Variants in RUSC2 observed in about 807,000 individuals in gnomAD.
RUSC2 encodes the protein RUN and SH3 domain containing 2.
In RUSC2, 34 loss-of-function variants were observed where a neutral mutation model predicts 122.2. That is an observed-to-expected ratio of 0.28 (90% CI 0.21 to 0.37). RUSC2 has a LOEUF of 0.37. Ranked by LOEUF, RUSC2 falls within the 10% of genes least tolerant of loss-of-function variation. The probability of loss-of-function intolerance (pLI) is 1.00; values close to 1 mark genes in which losing one functional copy is unlikely to be tolerated. For missense variants in RUSC2, 1,747 were observed against 1,952.4 expected, an observed-to-expected ratio of 0.89 and a Z score of 1.98; for synonymous variants, 784 against 790.0, an observed-to-expected ratio of 0.99 and a Z score of 0.13.
chr9:35,517,867 T>C (rs188246337), intron 1 of RUSC2, among the ~76,000 whole-genome samples: 68 of 152,308 alleles, frequency 4.5e-4, no homozygotes, highest in African/African-American at 1.6e-3. Context: ...TCCCTTATTC[T>C]TTTTATTTTT....
intron 1 of RUSC2, among the ~76,000 whole-genome samples, chr9:35,528,943 T>A (rs1005136687): frequency 6.6e-6 from 1 of 152,000 alleles, no homozygotes; most frequent in East Asian, 1.9e-4. Flanking sequence ...TAAAAAAAAA[T>A]TGTAAAAAGT....
intron 1 of RUSC2, among the ~76,000 whole-genome samples, chr9:35,509,645 T>C (rs1739561862): frequency 6.6e-6 from 1 of 152,212 alleles, no homozygotes. Flanking sequence ...ACACTGGCTA[T>C]GACCATGACA....
intron 1 of RUSC2, among the ~76,000 whole-genome samples, chr9:35,518,626 C>T (rs114323387): frequency 0.011 from 1,712 of 152,264 alleles, 33 homozygotes; most frequent in African/African-American, 0.04. Context: ...AGGAGATTAT[C>T]TAGGCACAGC....
At chr9:35,550,429 C>T (rs575165141) in intron 2 of RUSC2, among the ~76,000 whole-genome samples, 8 of 152,054 alleles carry the variant, frequency 5.3e-5, no homozygotes, top group Non-Finnish European at 1.2e-4. Context: ...AGTTCAAGAC[C>T]AGCCTGGCCA....
At position 35,547,873 on chromosome 9, in the gene RUSC2, C is replaced by T. The variant is rs1821794441; in HGVS notation, c.1352C>T (p.Pro451Leu). Residue 451 changes from proline to leucine, a missense_variant, in exon 2 of 12, where the codon CCA becomes CTA. Transcript: ENST00000361226. The surrounding 1 kb of genome is among the most constrained non-coding windows in gnomAD (Gnocchi z 4.6). ...TCTGAGTATTACCTATTCCAGAAGCCAGAAGTCCAGCCAGAGGAACAAGAA... is the reference window on the plus strand; with the variant it reads ...TCTGAGTATTACCTATTCCAGAAGCTAGAAGTCCAGCCAGAGGAACAAGAA... Reference protein sequence around the residue: ...QPSEYYLFQKPEVQPEEQEAV... With the variant: ...QPSEYYLFQKLEVQPEEQEAV... 3.7e-6 allele frequency: 6 copies of T among 1,614,228 alleles called. No individual in the cohort carries two copies. Among genetic ancestry groups the T allele is most frequent in the Non-Finnish European group, 4.2e-6 (5 of 1,180,044 alleles).
chr9:35,500,273 A>AAG (rs10672783), intron 1 of RUSC2, among the ~76,000 whole-genome samples: 60,876 of 151,358 alleles, frequency 0.4, 12,279 homozygotes, highest in Admixed American at 0.42. Flanking sequence ...ATGACAGGCA[A>AAG]AGAGAGAGAG....
Position 35,560,031 on chromosome 9 carries a change from A to G in RUSC2, c.3391A>G (p.Ile1131Val). The stretch of plus-strand genomic sequence containing the variant: ...AGTCCCTCTCTCTTTTCCCCTAGAC[A>G]TCATCCAGACCCACTACCAGCCCTG... ...WFNHLYNHED[I>V]IQTHYQPWGF... is the part of the protein sequence containing the mutation. Residue 1131 changes from isoleucine (I) to valine (V), a missense_variant and splice_region_variant, in exon 10 of 12, where the codon ATC (isoleucine) becomes GTC (valine). Transcript: ENST00000361226. 2 of 1,589,410 alleles carry G rather than the reference A, an allele frequency of 1.3e-6. No homozygotes were observed. Among genetic ancestry groups the G allele is most frequent in the South Asian group, 1.1e-5 (1 of 89,338 alleles).
chr9:35,514,677 A>T (rs1821070461), intron 1 of RUSC2, among the ~76,000 whole-genome samples: 1 of 152,136 alleles, frequency 6.6e-6, no homozygotes, highest in Non-Finnish European at 1.5e-5. Flanking sequence ...AATAAGATGG[A>T]GGTTTTTTTC....
In RUSC2 at chr9:35,547,829, C is replaced by T; in HGVS notation, c.1308C>T (p.Asp436=). Residue 436 remains aspartate (D), a synonymous_variant, in exon 2 of 12, where the codon GAC becomes GAT. Coordinates refer to ENST00000361226, the MANE Select transcript of RUSC2 (RefSeq NM_014806.5). The surrounding 1 kb of genome is among the most constrained non-coding windows in gnomAD (Gnocchi z 4.6). The part of the protein sequence containing the change: ...KISPPPGPGP[D]PGPSQPSEYY... Reference sequence around the variant, plus strand: ...GTCCCCCACCAGGCCCTGGCCCAGACCCAGGCCCCAGCCAGCCCTCTGAGT... The same window carrying T: ...GTCCCCCACCAGGCCCTGGCCCAGATCCAGGCCCCAGCCAGCCCTCTGAGT... The T allele has an allele frequency of 6.2e-7, 1 of 1,614,226 alleles. No individual in the cohort carries two copies. The highest frequency in any genetic ancestry group is 8.5e-7 in the Non-Finnish European group (1 of 1,180,052).
chr9:35,554,460 G>A (rs1281296888), intron 2 of RUSC2, among the ~76,000 whole-genome samples: 1 of 152,204 alleles, frequency 6.6e-6, no homozygotes, highest in African/African-American at 2.4e-5. Context: ...AAATGTGCTG[G>A]CATGATTGGA....
Position 35,547,575 on chromosome 9 carries a change from C to T in RUSC2, c.1054C>T (p.Pro352Ser), listed in dbSNP as rs1192681173. ...AGGAAGGGAAGGGGGCTATGGTTGC[C>T]CTCATGCCTCTTCTCCTGAGCTTGA... ...SGGREGGYGC[P>S]HASSPELDAN... Residue 352 changes from proline (P) to serine (S), a missense_variant, in exon 2 of 12, where the codon CCT (proline) becomes TCT (serine). Coordinates refer to ENST00000361226, the MANE Select transcript of RUSC2 (RefSeq NM_014806.5). The surrounding 1 kb of genome is among the most constrained non-coding windows in gnomAD (Gnocchi z 4.6). 1 of 1,614,188 alleles carries T rather than the reference C, an allele frequency of 6.2e-7. No individual in the cohort carries two copies.
rs1188299966 is a variant in RUSC2 at position 35,518,910 on chromosome 9, T to C, written c.-92-27520T>C. Among the ~76,000 whole-genome samples the C allele has an allele frequency of 3.3e-5, 5 of 152,194 alleles. No individual in the cohort carries two copies. The South Asian group carries it at 1.0e-3, about 32-fold the overall frequency. On this transcript the variant is annotated intron_variant, in intron 1 of 11. Transcript: ENST00000361226. ...GAGTGGCAGTCTTTCTTTGTTTTTA[T>C]TCAGATGATTTCAATGCAGCCAATT...
At position 35,558,185 on chromosome 9, in the gene RUSC2, CCA is replaced by C; in HGVS notation, c.3061-8_3061-7del. The C allele has an allele frequency of 6.2e-7, 1 of 1,610,598 alleles. No individual in the cohort carries two copies. The highest frequency in any genetic ancestry group is 8.5e-7 in the Non-Finnish European group (1 of 1,178,828). ...TGAGGGGGTTTCCTGCACTTCCCTA[CCA>C]CACCTACAGGCAAAGCTGGGAAACA... On this transcript the variant is annotated splice_polypyrimidine_tract_variant and intron_variant, in intron 6 of 11. Coordinates refer to ENST00000361226, the MANE Select transcript of RUSC2 (RefSeq NM_014806.5). This position sits in a 1 kb window ranked among gnomAD's most constrained non-coding sequence, Gnocchi z 4.3.
intron 2 of RUSC2, among the ~76,000 whole-genome samples, chr9:35,551,432 G>A (rs1254768542): frequency 6.6e-6 from 1 of 152,200 alleles, no homozygotes; most frequent in Non-Finnish European, 1.5e-5. Flanking sequence ...GGGTGGGCAT[G>A]GGAGGGAGAT....
At chr9:35,535,413 G>A (rs1821503122) in intron 1 of RUSC2, among the ~76,000 whole-genome samples, 1 of 149,204 alleles carries the variant, frequency 6.7e-6, no homozygotes, top group Non-Finnish European at 1.5e-5. Flanking sequence ...ACCGCTCCCG[G>A]CCGCCTAAGC....
In RUSC2 at chr9:35,560,817, C is replaced by A. The variant is rs1228330473; in HGVS notation, c.4177C>A (p.Arg1393=). 1 of 1,528,398 alleles carries A rather than the reference C, an allele frequency of 6.5e-7. No homozygotes were observed. Among genetic ancestry groups the A allele is most frequent in the East Asian group, 2.3e-5 (1 of 44,154 alleles). 94.7% of individuals were successfully genotyped at this position (1,528,398 alleles called of 1,614,324 possible). ...GIKWGHLFGS[R]KAQREARPTN... is the part of the protein sequence containing the mutation. The stretch of plus-strand genomic sequence containing the variant: ...CAAGTGGGGACACCTCTTTGGCTCC[C>A]GAAAAGCCCAGCGGGAGGCCCGGCC... The change falls in exon 10 of 12, where the codon CGA becomes AGA. Residue 1393 remains arginine (R), a synonymous_variant. Transcript: ENST00000361226.
intron 1 of RUSC2, among the ~76,000 whole-genome samples, chr9:35,543,308 CCTAG>C (rs1821679672): frequency 6.6e-6 from 1 of 152,022 alleles, no homozygotes; most frequent in Admixed American, 6.6e-5. Flanking sequence ...CACCTGTGGT[CCTAG>C]CTACTCAGGA....
chr9:35,554,320 G>A (rs1821961823), intron 2 of RUSC2, among the ~76,000 whole-genome samples: 1 of 152,216 alleles, frequency 6.6e-6, no homozygotes, highest in African/African-American at 2.4e-5. Flanking sequence ...CTCCGTTCAG[G>A]GGGAGCAAAT....
chr9:35,541,392 G>A (rs1564260002), intron 1 of RUSC2, among the ~76,000 whole-genome samples: 1 of 151,442 alleles, frequency 6.6e-6, no homozygotes. Flanking sequence ...CCCAGGAAAG[G>A]AGCCTGAGAT....
Sources: gnomAD v4.1 joint callset for allele counts (sites outside exome capture counted in the v4.1 genomes callset) on GRCh38, gnomAD v4.1.1 for gene constraint, Gnocchi (gnomAD v3.1) non-coding constraint, MANE v1.5 for transcripts, NCBI Gene and HGNC (gene_info 2026-07-23, HGNC 2026-07-21) for gene names.